Variants in TCF4 observed in about 807,000 individuals in gnomAD.
TCF4 encodes the protein transcription factor 4, also known as SL3-3 enhancer factor 2.
A neutral mutation model predicts 82.1 loss-of-function variants in TCF4; 3 were observed. The ratio of observed to expected loss-of-function variants is 0.04; its 90% confidence interval spans 0.02 to 0.09. The LOEUF (loss-of-function observed/expected upper bound fraction) is 0.09, where lower values mean the gene tolerates loss of function less well. TCF4 is among the 10% of genes least tolerant of loss of function. The probability of loss-of-function intolerance (pLI) is 1.00; values close to 1 mark genes in which losing one functional copy is unlikely to be tolerated. For synonymous variants in TCF4, 276 were observed against 309.6 expected (o/e 0.89, Z 1.14); for missense variants, 518 against 852.7 (o/e 0.61, Z 4.89).
intron 8 of TCF4, among the ~76,000 whole-genome samples, chr18:55,328,780 A>T (rs1206848289): frequency 6.6e-6 from 1 of 152,218 alleles, no homozygotes; most frequent in Non-Finnish European, 1.5e-5. Flanking sequence ...TCTCAATTTT[A>T]AAAAATTTGT....
chr18:55,230,519 TGA>T (rs1185238122), intron 17 of TCF4: 1 of 152,158 alleles, frequency 6.6e-6, no homozygotes, highest in Admixed American at 6.5e-5. Flanking sequence ...GGGGGGCTTA[TGA>T]GAGACACAGA....
chr18:55,254,421 A>C, intron 15 of TCF4, 76 bp downstream of exon 15: 1 of 1,423,176 alleles, frequency 7.0e-7, no homozygotes. Flanking sequence ...TTTTTAAAAA[A>C]CAGCAACAAT....
chr18:55,464,117 A>G lies in TCF4; in HGVS notation c.166T>C (p.Ser56Pro). The G allele has an allele frequency of 1.2e-6, 2 of 1,613,990 alleles. No individual in the cohort carries two copies. Among genetic ancestry groups the G allele is most frequent in the Non-Finnish European group, 1.7e-6 (2 of 1,179,908 alleles). Residue 56 changes from serine to proline, a missense_variant, in exon 4 of 20, where the codon TCA becomes CCA. Transcript: ENST00000354452. ...TGSNVEDRSS[S>P]GSWGNGGHPS... ...TGTCCTCCATTCCCCCAGGACCCTG[A>G]GCTACTTCTGTCTTCTACATCTAGG...
intron 3 of TCF4, among the ~76,000 whole-genome samples, chr18:55,561,143 G>A (rs1217671682): frequency 6.6e-6 from 1 of 152,108 alleles, no homozygotes. Flanking sequence ...ATCTTCTTTT[G>A]TCTAAGAATC....
At chr18:55,490,754 T>C (rs937696332) in intron 3 of TCF4, among the ~76,000 whole-genome samples, 18 of 152,330 alleles carry the variant, frequency 1.2e-4, no homozygotes, top group Non-Finnish European at 1.9e-4. Flanking sequence ...AATACGGAGA[T>C]GACCTGACCA....
intron 3 of TCF4, chr18:55,496,175 A>C (rs893350164): frequency 2.6e-5 from 4 of 152,244 alleles, no homozygotes; most frequent in Non-Finnish European, 4.4e-5. Flanking sequence ...GTAAATGCTT[A>C]AAGTTTTCAT....
Position 55,226,911 on chromosome 18 carries a change from T to G in TCF4, c.*1124A>C, listed in dbSNP as rs2046670077. The G allele has an allele frequency of 6.6e-6, 1 of 152,664 alleles. No homozygotes were observed. Among genetic ancestry groups the G allele is most frequent in the Non-Finnish European group, 1.5e-5 (1 of 68,026 alleles). 9.5% of individuals were successfully genotyped at this position (152,664 alleles called of 1,614,324 possible). On this transcript the variant is annotated 3_prime_UTR_variant, in exon 20 of 20. Coordinates refer to ENST00000354452, the MANE Select transcript of TCF4 (RefSeq NM_001083962.2). ...TGTTAAATCACAGCCACTTTGATTA[T>G]GTTATGTTTCCGATGATATAAACAT...
chr18:55,589,234 C>A (rs2097678547), upstream of TCF4: 2 of 1,033,034 alleles, frequency 1.9e-6, no homozygotes, highest in African/African-American at 1.7e-5. Context: ...ACATCGGGAT[C>A]GACATTTTAA....
intron 5 of TCF4, among the ~76,000 whole-genome samples, chr18:55,426,479 C>T (rs2094987592): frequency 6.6e-6 from 1 of 152,222 alleles, no homozygotes; most frequent in Admixed American, 6.5e-5. Context: ...TTGAGAGCAA[C>T]TGCATTCTAC....
At chr18:55,235,475 A>G (rs1256972557) in intron 15 of TCF4, among the ~76,000 whole-genome samples, 1 of 152,158 alleles carries the variant, frequency 6.6e-6, no homozygotes, top group Non-Finnish European at 1.5e-5. Flanking sequence ...CCATATTGTA[A>G]ATACTCTTTA....
upstream of TCF4, chr18:55,588,361 C>A (rs1603624947): frequency 6.7e-6 from 10 of 1,499,502 alleles, no homozygotes; most frequent in Middle Eastern, 5.7e-4. Flanking sequence ...TGCTCCGGGT[C>A]GGGCAGGCTA....
chr18:55,403,113 C>G (rs777373772), intron 6 of TCF4, among the ~76,000 whole-genome samples: 13 of 152,140 alleles, frequency 8.5e-5, no homozygotes, highest in Non-Finnish European at 1.3e-4. Context: ...GAAGTATTTC[C>G]TGCGTAAGAA....
intron 3 of TCF4, among the ~76,000 whole-genome samples, chr18:55,531,282 G>A (rs911253850): frequency 4.6e-5 from 7 of 151,978 alleles, no homozygotes; most frequent in African/African-American, 7.3e-5. Flanking sequence ...ACCATCTCTC[G>A]TAACACTCAT....
At chr18:55,542,391 C>T (rs2097171981) in intron 3 of TCF4, among the ~76,000 whole-genome samples, 1 of 151,882 alleles carries the variant, frequency 6.6e-6, no homozygotes, top group Non-Finnish European at 1.5e-5. Context: ...ATCTTAGGTA[C>T]TGAATTCTAA....
chr18:55,334,299 CGAAATAACTTTT>C (rs2078184517), intron 8 of TCF4, among the ~76,000 whole-genome samples: 1 of 151,910 alleles, frequency 6.6e-6, no homozygotes, highest in South Asian at 2.1e-4. Context: ...TAAAATACCC[CGAAATAACTTTT>C]ATAAATAACA....
chr18:55,360,540 T>C (rs1003030672), intron 6 of TCF4, among the ~76,000 whole-genome samples: 3 of 152,148 alleles, frequency 2.0e-5, no homozygotes, highest in South Asian at 2.1e-4. Context: ...AAGGACCAGA[T>C]AGAAAATATT....
chr18:55,275,808 A>T, intron 9 of TCF4, 56 bp from the exon 10 acceptor site: 2 of 1,611,546 alleles, frequency 1.2e-6, no homozygotes, highest in South Asian at 1.1e-5. Flanking sequence ...TGCCTTATAG[A>T]ATAGGGTTTT....
chr18:55,361,713 C>T (rs1175310384), intron 6 of TCF4, among the ~76,000 whole-genome samples: 1 of 152,192 alleles, frequency 6.6e-6, no homozygotes, highest in Non-Finnish European at 1.5e-5. Flanking sequence ...AGGGAATGTC[C>T]TCACTGTTGA....
intron 5 of TCF4, among the ~76,000 whole-genome samples, chr18:55,440,893 G>A (rs1054913074): frequency 6.6e-6 from 1 of 152,126 alleles, no homozygotes; most frequent in Non-Finnish European, 1.5e-5. Flanking sequence ...TTGGATTTAT[G>A]TCTGAATACG....
Sources: gnomAD v4.1 joint callset for allele counts (sites outside exome capture counted in the v4.1 genomes callset) on GRCh38, gnomAD v4.1.1 for gene constraint, MANE v1.5 for transcripts, NCBI Gene and HGNC (gene_info 2026-07-23, HGNC 2026-07-21) for gene names.